CDC45: variants seen among roughly 807,000 people sequenced by gnomAD.
The protein encoded by CDC45 is cell division control protein 45 homolog.
Under a neutral mutation model 77.8 loss-of-function variants are expected in CDC45, and 54 were observed. That is an observed-to-expected ratio of 0.69 (90% CI 0.56 to 0.87). The LOEUF is 0.87. Ranked by LOEUF, CDC45 falls within the 40% of genes least tolerant of loss-of-function variation. CDC45 has a pLI of 0.00. For missense variants in CDC45, 649 were observed against 721.6 expected (o/e 0.90, Z 1.15); for synonymous variants, 260 against 272.1 (o/e 0.96, Z 0.44).
At chr22:19,489,170 T>C (rs1332315106) in intron 5 of CDC45, among the ~76,000 whole-genome samples, 2 of 152,294 alleles carry the variant, frequency 1.3e-5, no homozygotes, top group East Asian at 3.9e-4. Flanking sequence ...AGACTATCTC[T>C]AAAGAAAAGA....
At chr22:19,507,652 A>G in intron 11 of CDC45, 114 bp from the exon 12 acceptor site, 1 of 1,369,498 alleles carries the variant, frequency 7.3e-7, no homozygotes, top group Non-Finnish European at 1.0e-6. Context: ...AGATCCCAGA[A>G]TATCTTCTGA....
chr22:19,481,072 G>A (rs369567132), intron 3 of CDC45, 27 bp downstream of exon 3: 5 of 1,464,442 alleles, frequency 3.4e-6, no homozygotes, highest in Non-Finnish European at 4.8e-6. Flanking sequence ...TTAGAATAAC[G>A]TGGCTTTTTA....
chr22:19,503,816 C>T (rs1932998834), intron 9 of CDC45, among the ~76,000 whole-genome samples: 1 of 152,202 alleles, frequency 6.6e-6, no homozygotes, highest in African/African-American at 2.4e-5. Flanking sequence ...TTTGAAGAGG[C>T]CACAGGACCT....
At chr22:19,481,499 C>G (rs1242331075) in intron 3 of CDC45, among the ~76,000 whole-genome samples, 2 of 152,150 alleles carry the variant, frequency 1.3e-5, no homozygotes, top group East Asian at 3.9e-4. Flanking sequence ...CTGCCTCAGC[C>G]TCCTGAGTAG....
chr22:19,490,953 G>A (rs1395167225), intron 5 of CDC45, among the ~76,000 whole-genome samples: 4 of 150,544 alleles, frequency 2.7e-5, no homozygotes, highest in South Asian at 2.1e-4. Context: ...TCAGCCTCCC[G>A]AGTAGCTGGG....
In CDC45 at chr22:19,483,862, A is replaced by G. The variant is rs779928712; in HGVS notation, c.343A>G (p.Ile115Val). 28 of 1,611,786 alleles carry G rather than the reference A, an allele frequency of 1.7e-5. 2 individuals are homozygous for G. The South Asian group carries it at 2.9e-4, about 17-fold the overall frequency. ...NVVNVYNDTQ[I>V]KLLIKQDDDL... ...TAATTCCTTTTTGTTTTGAACTTAGATCAAATTACTCATTAAACAAGATGA... is the reference window on the plus strand; with the variant it reads ...TAATTCCTTTTTGTTTTGAACTTAGGTCAAATTACTCATTAAACAAGATGA... Residue 115 changes from isoleucine to valine, a missense_variant and splice_region_variant, in exon 5 of 19, where the codon ATC becomes GTC. Transcript: ENST00000263201.
chr22:19,506,743 G>A (rs1568930310), intron 10 of CDC45, among the ~76,000 whole-genome samples: 1 of 152,310 alleles, frequency 6.6e-6, no homozygotes, highest in Middle Eastern at 3.4e-3. Context: ...GACCATCCTG[G>A]CTAACACGGT....
intron 10 of CDC45, among the ~76,000 whole-genome samples, chr22:19,506,680 AT>A (rs1933198636): frequency 6.6e-6 from 1 of 152,020 alleles, no homozygotes; most frequent in Admixed American, 6.5e-5. Flanking sequence ...CACGCCTGTA[AT>A]CCCAGCACTC....
At chr22:19,507,119 C>T (rs1474712791) in intron 10 of CDC45, among the ~76,000 whole-genome samples, 1 of 152,182 alleles carries the variant, frequency 6.6e-6, no homozygotes, top group Non-Finnish European at 1.5e-5. Flanking sequence ...CATGTGACCA[C>T]AGCACCTGGA....
chr22:19,514,598 A>T, intron 13 of CDC45, 151 bp from the exon 14 acceptor site: 1 of 637,778 alleles, frequency 1.6e-6, no homozygotes, highest in Non-Finnish European at 2.7e-6. Flanking sequence ...CTTTCCTTTC[A>T]TGTGAAAGAC....
At chr22:19,502,293 C>T (rs1932927880) in intron 9 of CDC45, among the ~76,000 whole-genome samples, 1 of 152,106 alleles carries the variant, frequency 6.6e-6, no homozygotes, top group African/African-American at 2.4e-5. Flanking sequence ...AAGATGTACG[C>T]TGATAGTTTT....
intron 8 of CDC45, among the ~76,000 whole-genome samples, chr22:19,497,740 C>A (rs1011488992): frequency 6.6e-6 from 1 of 152,168 alleles, no homozygotes; most frequent in Non-Finnish European, 1.5e-5. Flanking sequence ...AGTCAAGTGA[C>A]AGGAGGAGTG....
chr22:19,501,008 C>T (rs1205148527), intron 9 of CDC45, among the ~76,000 whole-genome samples: 1 of 152,146 alleles, frequency 6.6e-6, no homozygotes, highest in Non-Finnish European at 1.5e-5. Flanking sequence ...GAAACACCGT[C>T]TCTACTAAGA....
intron 17 of CDC45, among the ~76,000 whole-genome samples, chr22:19,517,289 C>T (rs1286320583): frequency 2.6e-5 from 4 of 152,200 alleles, no homozygotes; most frequent in African/African-American, 7.2e-5. Flanking sequence ...GACACCAACC[C>T]TTGCTGCGCC....
chr22:19,498,950 C>T lies in CDC45; in HGVS notation c.654-151C>T, dbSNP rs552374777. 2.5e-5 allele frequency: 20 copies of T among 784,886 alleles called. No homozygotes were observed. The African/African-American group carries it at 3.3e-4, about 13-fold the overall frequency. The allele number at this position is 784,886 out of a possible 1,614,324, so 48.6% of individuals were successfully genotyped here. On this transcript the variant is annotated intron_variant, in intron 8 of 18. Coordinates refer to ENST00000263201, the MANE Select transcript of CDC45 (RefSeq NM_003504.5). ...CTCTTCACCTCAAGGAGAGAGGCCA[C>T]CTGACTGAGGCAAGCCAGGGTCTGG...
intron 6 of CDC45, 173 bp downstream of exon 6, chr22:19,494,555 G>T (rs1389179117): frequency 3.2e-6 from 5 of 1,550,178 alleles, no homozygotes; most frequent in Non-Finnish European, 4.4e-6. Context: ...AGAGCTCCAG[G>T]TTGTTCGCCG....
In CDC45 at chr22:19,494,316, C is replaced by G. The variant is rs369341373; in HGVS notation, c.487-11C>G. The G allele has an allele frequency of 1.2e-5, 20 of 1,611,654 alleles. No individual in the cohort carries two copies. The Admixed American group carries it at 3.3e-4, about 27-fold the overall frequency. Reference sequence around the variant, plus strand: ...TTGCTCCACCTTTTGTTCTCTTTGTCCCTGTATCAGGAGATAGTGGAGCAA... The same window carrying G: ...TTGCTCCACCTTTTGTTCTCTTTGTGCCTGTATCAGGAGATAGTGGAGCAA... On this transcript the variant is annotated splice_polypyrimidine_tract_variant and intron_variant, in intron 5 of 18. Coordinates refer to ENST00000263201, the MANE Select transcript of CDC45 (RefSeq NM_003504.5).
chr22:19,509,538 A>G (rs1179124765), intron 13 of CDC45, among the ~76,000 whole-genome samples: 1 of 152,146 alleles, frequency 6.6e-6, no homozygotes, highest in African/African-American at 2.4e-5. Flanking sequence ...GTGCTTTCCC[A>G]GCTTTAATTT....
In CDC45 at chr22:19,520,580, TAAATA is replaced by T. The variant is rs1905687901; in HGVS notation, c.*106_*110del. 6.6e-6 allele frequency: 1 copy of T among 152,234 alleles called. No homozygotes were observed. Among genetic ancestry groups the T allele is most frequent in the African/African-American group, 2.4e-5 (1 of 41,472 alleles). 9.4% of individuals were successfully genotyped at this position (152,234 alleles called of 1,614,324 possible). ...TTGAGATGTAGAAGCCATTTTTTAT[TAAATA>T]AAATGCTTATTTTAGGCTCCGTCCC... On this transcript the variant is annotated 3_prime_UTR_variant, in exon 19 of 19. Transcript: ENST00000263201. The surrounding 1 kb of genome is among the most constrained non-coding windows in gnomAD (Gnocchi z 4.5).
Sources: allele counts gnomAD v4.1 joint callset (sites outside exome capture counted in the v4.1 genomes callset), GRCh38; gene constraint gnomAD v4.1.1; non-coding constraint Gnocchi (gnomAD v3.1); transcripts MANE v1.5; gene names NCBI Gene and HGNC (gene_info 2026-07-23, HGNC 2026-07-21).